Variants in ST6GALNAC3 observed in about 807,000 individuals in gnomAD.
ST6GALNAC3 encodes ST6 N-acetylgalactosaminide alpha-2,6-sialyltransferase 3.
In ST6GALNAC3, 25 loss-of-function variants were observed where a neutral mutation model predicts 32.7. The ratio of observed to expected loss-of-function variants is 0.76; its 90% confidence interval spans 0.56 to 1.07. ST6GALNAC3 has a LOEUF of 1.07. Among genes scored for constraint, ST6GALNAC3 ranks in the 50% least tolerant of loss-of-function variants. The probability of loss-of-function intolerance (pLI) is 0.00; values close to 1 mark genes in which losing one functional copy is unlikely to be tolerated. For synonymous variants in ST6GALNAC3, 129 were observed against 133.1 expected (o/e 0.97, Z 0.21); for missense variants, 355 against 382.4 (o/e 0.93, Z 0.60).
intron 3 of ST6GALNAC3, among the ~76,000 whole-genome samples, chr1:76,560,549 A>C (rs1309872299): frequency 2.0e-5 from 3 of 152,212 alleles, no homozygotes; most frequent in Admixed American, 6.5e-5. Flanking sequence ...TCTCAAAGGA[A>C]GACATACAAA....
At chr1:76,604,521 C>T (rs1647397262) in intron 3 of ST6GALNAC3, among the ~76,000 whole-genome samples, 2 of 152,192 alleles carry the variant, frequency 1.3e-5, no homozygotes, top group South Asian at 4.1e-4. Flanking sequence ...TTTCCCTCTG[C>T]TCACACCTCA....
At position 76,445,429 on chromosome 1, in the gene ST6GALNAC3, C is replaced by G. The variant is rs769549398; in HGVS notation, c.623+33012C>G. 2.6e-5 allele frequency among the ~76,000 whole-genome samples: 4 copies of G among 152,098 alleles called. No individual in the cohort carries two copies. The South Asian group carries it at 8.3e-4, about 32-fold the overall frequency. ...TGATGCACACTCAAGTTTGAGAACC[C>G]CTGCATCCTATTAACAAATACATCA... On this transcript the variant is annotated intron_variant, in intron 3 of 4. Coordinates refer to ENST00000328299, the MANE Select transcript of ST6GALNAC3 (RefSeq NM_152996.4).
chr1:76,249,806 A>T (rs1454373857), intron 1 of ST6GALNAC3, among the ~76,000 whole-genome samples: 1 of 152,200 alleles, frequency 6.6e-6, no homozygotes, highest in Admixed American at 6.5e-5. Context: ...GATGTCAGTG[A>T]CTATGAAGTG....
chr1:76,288,975 C>A (rs1557756389), intron 1 of ST6GALNAC3, among the ~76,000 whole-genome samples: 1 of 152,122 alleles, frequency 6.6e-6, no homozygotes, highest in African/African-American at 2.4e-5. Flanking sequence ...AACCACACTT[C>A]CCCCTCCAAA....
chr1:76,608,795 A>G (rs933222910), intron 3 of ST6GALNAC3, among the ~76,000 whole-genome samples: 1 of 151,978 alleles, frequency 6.6e-6, no homozygotes, highest in Non-Finnish European at 1.5e-5. Flanking sequence ...CTTTTGTGAT[A>G]TTTTTGCACC....
intron 3 of ST6GALNAC3, among the ~76,000 whole-genome samples, chr1:76,589,595 TCAGC>T (rs1647016333): frequency 6.6e-6 from 1 of 151,980 alleles, no homozygotes. Context: ...TGTCTGAAAT[TCAGC>T]ATTAATATGA....
chr1:76,298,102 G>T (rs1217244824), intron 1 of ST6GALNAC3, among the ~76,000 whole-genome samples: 1 of 152,052 alleles, frequency 6.6e-6, no homozygotes. Context: ...TGGAGGAACA[G>T]TCAGAGGTCA....
At chr1:76,359,966 T>C (rs1322762406) in intron 2 of ST6GALNAC3, among the ~76,000 whole-genome samples, 4 of 152,198 alleles carry the variant, frequency 2.6e-5, no homozygotes, top group Non-Finnish European at 5.9e-5. Context: ...CAGATTCTTA[T>C]ATCCAAATGC....
intron 2 of ST6GALNAC3, among the ~76,000 whole-genome samples, chr1:76,340,074 C>G (rs555541331): frequency 3.3e-5 from 5 of 152,202 alleles, no homozygotes; most frequent in Non-Finnish European, 7.3e-5. Flanking sequence ...AATTACCTCA[C>G]AAGGCTGGTA....
chr1:76,359,447 A>G (rs1258561176), intron 2 of ST6GALNAC3, among the ~76,000 whole-genome samples: 1 of 152,178 alleles, frequency 6.6e-6, no homozygotes, highest in Non-Finnish European at 1.5e-5. Flanking sequence ...AAATTCACAC[A>G]GGAAGAATGC....
At chr1:76,539,186 G>A (rs1472672623) in intron 3 of ST6GALNAC3, among the ~76,000 whole-genome samples, 2 of 152,260 alleles carry the variant, frequency 1.3e-5, no homozygotes, top group East Asian at 3.9e-4. Context: ...CAAGGGAACA[G>A]AACAGAGACC....
At position 76,455,251 on chromosome 1, in the gene ST6GALNAC3, T is replaced by C. The variant is rs148490961; in HGVS notation, c.623+42834T>C. ...ATATATTATGCATGCATTTTTTTTCTATTTCCTTGTTTTCTGTTTCTTTTG... is the reference window on the plus strand; with the variant it reads ...ATATATTATGCATGCATTTTTTTTCCATTTCCTTGTTTTCTGTTTCTTTTG... On this transcript the variant is annotated intron_variant, in intron 3 of 4. Coordinates refer to ENST00000328299, the MANE Select transcript of ST6GALNAC3 (RefSeq NM_152996.4). Among the ~76,000 whole-genome samples the C allele has an allele frequency of 6.6e-3, 1,009 of 152,296 alleles. 14 individuals are homozygous for C. The highest frequency in any genetic ancestry group is 0.023 in the African/African-American group (936 of 41,572).
intron 2 of ST6GALNAC3, among the ~76,000 whole-genome samples, chr1:76,406,547 T>C (rs1464905916): frequency 3.3e-5 from 5 of 151,996 alleles, no homozygotes; most frequent in African/African-American, 1.2e-4. Context: ...CAAAAACATT[T>C]TCAATAATTT....
chr1:76,491,344 G>T (rs1328966647), intron 3 of ST6GALNAC3, among the ~76,000 whole-genome samples: 1 of 152,086 alleles, frequency 6.6e-6, no homozygotes, highest in Non-Finnish European at 1.5e-5. Context: ...ACTTTCAGAG[G>T]TTCTTTGAAA....
chr1:76,494,103 G>A (rs371720685), intron 3 of ST6GALNAC3, among the ~76,000 whole-genome samples: 3 of 151,950 alleles, frequency 2.0e-5, no homozygotes, highest in East Asian at 2.0e-4. Context: ...CCCAATCTCG[G>A]CAGCAGGATT....
chr1:76,075,043 T>C, intron 1 of ST6GALNAC3, 159 bp downstream of exon 1: 1 of 905,630 alleles, frequency 1.1e-6, no homozygotes, highest in Non-Finnish European at 1.7e-6. Flanking sequence ...TGGAGGGAGA[T>C]TCTGAAACAT....
At chr1:76,213,442 G>C (rs748236550) in intron 1 of ST6GALNAC3, among the ~76,000 whole-genome samples, 23 of 152,096 alleles carry the variant, frequency 1.5e-4, no homozygotes, top group Non-Finnish European at 3.2e-4. Flanking sequence ...TTTGATTGTG[G>C]GTTGTTTGTT....
rs536973054 is a variant in ST6GALNAC3, at chr1:76,255,028, CTCT to C, written c.19-58775_19-58773del. On this transcript the variant is annotated intron_variant, in intron 1 of 4. Transcript: ENST00000328299. ...GCGTGGTTTCTGCAAATCTCTCTCT[CTCT>C]TTTTTTTTTTTTAAACTGGCCCATT... is the stretch of plus-strand genomic sequence containing the variant. Among the ~76,000 whole-genome samples, 25 of 65,740 alleles carry C rather than the reference CTCT, an allele frequency of 3.8e-4. No individual in the cohort carries two copies. The East Asian group carries it at 0.015, about 40-fold the overall frequency. The allele number at this position is 65,740 out of a possible 152,430, so 43.1% of individuals were successfully genotyped here. A position where few individuals can be genotyped will look rare whatever the true frequency, so the allele number is the denominator to read the frequency against.
At chr1:76,278,616 A>G (rs1570670526) in intron 1 of ST6GALNAC3, among the ~76,000 whole-genome samples, 1 of 137,152 alleles carries the variant, frequency 7.3e-6, no homozygotes, top group Non-Finnish European at 1.5e-5. Flanking sequence ...AGAGAATGAA[A>G]GAGTTTGTCT....
Sources: gnomAD v4.1 joint callset for allele counts (sites outside exome capture counted in the v4.1 genomes callset) on GRCh38, gnomAD v4.1.1 for gene constraint, MANE v1.5 for transcripts, NCBI Gene and HGNC (gene_info 2026-07-23, HGNC 2026-07-21) for gene names.